C8orf34: variants seen among roughly 807,000 people sequenced by gnomAD.
The protein encoded by C8orf34 is uncharacterized protein C8orf34.
In C8orf34, 65 loss-of-function variants were observed where a neutral mutation model predicts 68.3. The ratio of observed to expected loss-of-function variants is 0.95; its 90% CI spans 0.78 to 1.17. The LOEUF (loss-of-function observed/expected upper bound fraction) is 1.17, where lower values mean the gene tolerates loss of function less well. Ranked by LOEUF, C8orf34 falls within the 50% of genes most tolerant of loss-of-function variation. C8orf34 has a pLI of 0.00. For synonymous variants in C8orf34, 244 were observed against 241.2 expected (o/e 1.01, Z -0.11); for missense variants, 664 against 655.4 (o/e 1.01, Z -0.14).
chr8:68,602,506 T>C (rs139974407), intron 7 of C8orf34, among the ~76,000 whole-genome samples: 45 of 152,054 alleles, frequency 3.0e-4, no homozygotes, highest in African/African-American at 1.0e-3. Context: ...TCTTGAGAAC[T>C]TACTCACCAT....
At chr8:68,613,437 T>TCC (rs1360422612) in intron 7 of C8orf34, among the ~76,000 whole-genome samples, 24 of 130,254 alleles carry the variant, frequency 1.8e-4, no homozygotes, top group African/African-American at 6.9e-4. Context: ...ATTCCATCCC[T>TCC]CCCCCTCCCC....
intron 8 of C8orf34, among the ~76,000 whole-genome samples, chr8:68,671,975 A>T (rs1820026305): frequency 6.6e-6 from 1 of 152,104 alleles, no homozygotes; most frequent in Non-Finnish European, 1.5e-5. Context: ...CTCAGCTGGG[A>T]CTCCTGTAAC....
At position 68,672,657 on chromosome 8, in the gene C8orf34, C is replaced by T. The variant is rs544864796; in HGVS notation, c.1241+32146C>T. Among the ~76,000 whole-genome samples the T allele has an allele frequency of 2.2e-3, 338 of 152,180 alleles. 2 individuals are homozygous for T. The highest frequency in any genetic ancestry group is 3.7e-3 in the Non-Finnish European group (250 of 68,002). ...CCTTGCCTCCATGGGCTAAATTTCT[C>T]GAGGGTCATAAATAAAGTTGAAAGG... On this transcript the variant is annotated intron_variant, in intron 8 of 13. Coordinates refer to ENST00000518698, the MANE Select transcript of C8orf34 (RefSeq NM_052958.4).
At chr8:68,481,767 A>G (rs1477964241) in intron 4 of C8orf34, among the ~76,000 whole-genome samples, 1 of 152,186 alleles carries the variant, frequency 6.6e-6, no homozygotes, top group Non-Finnish European at 1.5e-5. Context: ...TATTTAACCA[A>G]TACCTATACC....
At chr8:68,418,301 A>C (rs1586095066) in intron 1 of C8orf34, among the ~76,000 whole-genome samples, 2 of 148,838 alleles carry the variant, frequency 1.3e-5, no homozygotes, top group South Asian at 2.2e-4. Flanking sequence ...TCTCCTGCCT[A>C]ATTGCCCTGG....
chr8:68,747,337 C>A (rs1019790173), intron 10 of C8orf34, among the ~76,000 whole-genome samples: 14 of 150,656 alleles, frequency 9.3e-5, no homozygotes, highest in African/African-American at 3.4e-4. Context: ...GACAGGGATG[C>A]CCTCTCTCAC....
At position 68,465,827 on chromosome 8, in the gene C8orf34, G is replaced by A. The variant is rs1261844228; in HGVS notation, c.608-2865G>A. Among the ~76,000 whole-genome samples, 3 of 151,976 alleles carry A rather than the reference G, an allele frequency of 2.0e-5. No homozygotes were observed. In the East Asian group the frequency reaches 5.8e-4, roughly 29 times the overall value. The stretch of plus-strand genomic sequence containing the variant: ...GGGGTGGGGGCAGGGGGGAGGGATA[G>A]CATTAGGAGATATACCTAATGCTAA... On this transcript the variant is annotated intron_variant, in intron 3 of 13. Coordinates refer to ENST00000518698, the MANE Select transcript of C8orf34 (RefSeq NM_052958.4).
At position 68,507,894 on chromosome 8, in the gene C8orf34, T is replaced by A. The variant is rs548911625; in HGVS notation, c.766-13905T>A. Among the ~76,000 whole-genome samples, 158 of 152,350 alleles carry A rather than the reference T, an allele frequency of 1.0e-3. 1 individual carries two copies. Among genetic ancestry groups the A allele is most frequent in the African/African-American group, 3.6e-3 (150 of 41,586 alleles). ...TAAGACAAGCCTATTTTTCTAGATT[T>A]AATTACTGGTAGTTTAGGTGTTGTG... On this transcript the variant is annotated intron_variant, in intron 5 of 13. Transcript: ENST00000518698.
intron 7 of C8orf34, among the ~76,000 whole-genome samples, chr8:68,614,366 T>C (rs1008884664): frequency 7.2e-5 from 11 of 152,220 alleles, no homozygotes; most frequent in East Asian, 1.9e-4. Context: ...TCCTTGCCCA[T>C]GCCTATGTCC....
intron 1 of C8orf34, among the ~76,000 whole-genome samples, chr8:68,420,658 T>TA (rs1809927058): frequency 6.6e-6 from 1 of 152,050 alleles, no homozygotes; most frequent in African/African-American, 2.4e-5. Flanking sequence ...GACATTAAAA[T>TA]AAGTCAGCTT....
intron 3 of C8orf34, among the ~76,000 whole-genome samples, chr8:68,461,460 G>A (rs961844139): frequency 6.6e-6 from 1 of 152,084 alleles, no homozygotes; most frequent in Non-Finnish European, 1.5e-5. Flanking sequence ...GATATTCCTC[G>A]AGAAGAGCAA....
chr8:68,592,057 C>T (rs1289818870), intron 7 of C8orf34, among the ~76,000 whole-genome samples: 2 of 152,098 alleles, frequency 1.3e-5, no homozygotes, highest in Non-Finnish European at 2.9e-5. Flanking sequence ...TATAAACTTA[C>T]AAGTGTATAA....
chr8:68,499,595 G>C (rs907790360), intron 5 of C8orf34, among the ~76,000 whole-genome samples: 1 of 152,162 alleles, frequency 6.6e-6, no homozygotes, highest in Non-Finnish European at 1.5e-5. Context: ...CATAGTAGTT[G>C]ATGCAGTCAG....
At chr8:68,751,838 AATTTAT>A (rs1822717250) in intron 10 of C8orf34, among the ~76,000 whole-genome samples, 1 of 151,076 alleles carries the variant, frequency 6.6e-6, no homozygotes, top group East Asian at 1.9e-4. Context: ...TTAATAGTAA[AATTTAT>A]ATTTATAAAA....
chr8:68,532,043 G>A (rs1031232361), intron 6 of C8orf34, among the ~76,000 whole-genome samples: 1 of 152,036 alleles, frequency 6.6e-6, no homozygotes, highest in East Asian at 1.9e-4. Flanking sequence ...ACATGGTTAG[G>A]GGACATGCTT....
chr8:68,810,472 G>A (rs1824613541), intron 12 of C8orf34, among the ~76,000 whole-genome samples: 2 of 152,146 alleles, frequency 1.3e-5, no homozygotes, highest in African/African-American at 4.8e-5. Flanking sequence ...TACTTCTGGG[G>A]TCCCTGAAGG....
chr8:68,584,258 G>A (rs942180401), intron 7 of C8orf34, among the ~76,000 whole-genome samples: 7 of 151,954 alleles, frequency 4.6e-5, no homozygotes, highest in African/African-American at 1.4e-4. Flanking sequence ...ACTCAACTGA[G>A]ATTTTTGCAA....
At chr8:68,741,819 A>G (rs1336768179) in intron 10 of C8orf34, among the ~76,000 whole-genome samples, 6 of 152,192 alleles carry the variant, frequency 3.9e-5, no homozygotes, top group Non-Finnish European at 5.9e-5. Context: ...TTTTGTATAG[A>G]TGAATAGTAC....
chr8:68,537,965 A>T (rs766976491), intron 7 of C8orf34, among the ~76,000 whole-genome samples: 186 of 152,160 alleles, frequency 1.2e-3, no homozygotes, highest in Non-Finnish European at 2.1e-3. Flanking sequence ...TTCCAGTGGT[A>T]AAAATAAATC....
Sources: gnomAD v4.1 joint callset for allele counts (sites outside exome capture counted in the v4.1 genomes callset) on GRCh38, gnomAD v4.1.1 for gene constraint, MANE v1.5 for transcripts, NCBI Gene and HGNC (gene_info 2026-07-23, HGNC 2026-07-21) for gene names.